VAT1L: variants seen among roughly 807,000 people sequenced by gnomAD.
VAT1L encodes the protein vesicle amine transport 1 like.
VAT1L carries 34 observed loss-of-function variants against 44.1 expected under a neutral mutation model. The observed-to-expected ratio is 0.77, with a 90% confidence interval of 0.59 to 1.03. The LOEUF (loss-of-function observed/expected upper bound fraction) is 1.03. Among genes scored for constraint, VAT1L ranks in the 50% least tolerant of loss-of-function variants. The pLI is 0.00. For missense variants in VAT1L, 615 were observed against 538.8 expected (o/e 1.14, Z -1.40); for synonymous variants, 253 against 202.2 (o/e 1.25, Z -2.13).
intron 4 of VAT1L, among the ~76,000 whole-genome samples, chr16:77,871,524 A>G (rs927887100): frequency 2.0e-5 from 3 of 151,780 alleles, no homozygotes; most frequent in Non-Finnish European, 2.9e-5. Context: ...ACCCTATGAA[A>G]CCCTAATTCA....
intron 3 of VAT1L, among the ~76,000 whole-genome samples, chr16:77,843,272 G>A (rs1416374111): frequency 6.6e-6 from 1 of 152,100 alleles, no homozygotes; most frequent in Non-Finnish European, 1.5e-5. Flanking sequence ...TGGCCTCCGA[G>A]AAGCCAGCTG....
chr16:77,955,230 C>G (rs2018089443), intron 7 of VAT1L, among the ~76,000 whole-genome samples: 5 of 152,192 alleles, frequency 3.3e-5, no homozygotes, highest in Admixed American at 3.3e-4. Context: ...TGATTCTCAA[C>G]TGGAGGTGCT....
chr16:77,838,780 T>C (rs548479540), intron 3 of VAT1L, among the ~76,000 whole-genome samples: 1 of 151,820 alleles, frequency 6.6e-6, no homozygotes, highest in African/African-American at 2.4e-5. Context: ...TTCCTTCCTT[T>C]CTTCTTTTTC....
chr16:77,824,354 CAT>C (rs1467549504), intron 2 of VAT1L, among the ~76,000 whole-genome samples: 1 of 152,176 alleles, frequency 6.6e-6, no homozygotes, highest in Non-Finnish European at 1.5e-5. Flanking sequence ...GGACAAGAAA[CAT>C]AGAGCTGTCA....
chr16:77,788,770 G>C lies in VAT1L; in HGVS notation c.88G>C (p.Gly30Arg). The C allele has an allele frequency of 1.9e-6, 3 of 1,563,390 alleles. No individual in the cohort carries two copies. Among genetic ancestry groups the C allele is most frequent in the Non-Finnish European group, 2.6e-6 (3 of 1,154,144 alleles). The change falls in exon 1 of 9, where the codon GGC becomes CGC. Residue 30 changes from glycine to arginine, a missense_variant. Gly to Arg is a moderately radical substitution (Grantham distance 125). Coordinates refer to ENST00000302536, the MANE Select transcript of VAT1L (RefSeq NM_020927.3). ...CAAGGAGCCGGCGGAGGGCGGCGGC[G>C]GCGACGGCTCGCACCGCCTCGGGGA... ...AGKEPAEGGG[G>R]DGSHRLGDAQ...
intron 7 of VAT1L, among the ~76,000 whole-genome samples, chr16:77,955,086 C>T (rs1485735748): frequency 6.6e-6 from 1 of 152,168 alleles, no homozygotes; most frequent in Non-Finnish European, 1.5e-5. Flanking sequence ...CTTCCTCGTT[C>T]TTGGGAAAGA....
intron 7 of VAT1L, among the ~76,000 whole-genome samples, chr16:77,947,008 T>C (rs1376625295): frequency 1.3e-5 from 2 of 152,178 alleles, no homozygotes; most frequent in African/African-American, 4.8e-5. Context: ...CTCGTTACCA[T>C]GGCAACACAG....
chr16:77,935,141 A>T (rs2017778122), intron 7 of VAT1L, among the ~76,000 whole-genome samples: 1 of 152,176 alleles, frequency 6.6e-6, no homozygotes, highest in Admixed American at 6.5e-5. Flanking sequence ...AAACCAGCAA[A>T]ATGATTTACA....
At chr16:77,920,562 G>T (rs2017600679) in intron 7 of VAT1L, among the ~76,000 whole-genome samples, 1 of 152,126 alleles carries the variant, frequency 6.6e-6, no homozygotes. Flanking sequence ...GTATATGAAT[G>T]TATATAATAT....
At chr16:77,790,887 G>A (rs890479166) in intron 1 of VAT1L, among the ~76,000 whole-genome samples, 6 of 152,174 alleles carry the variant, frequency 3.9e-5, no homozygotes, top group African/African-American at 1.4e-4. Flanking sequence ...TCAAGATGAA[G>A]GCCAAGAGAT....
At chr16:77,948,242 T>TGCTCATCTCTGCATGC (rs1236481133) in intron 7 of VAT1L, among the ~76,000 whole-genome samples, 2 of 152,230 alleles carry the variant, frequency 1.3e-5, no homozygotes, top group African/African-American at 4.8e-5. Flanking sequence ...AGGCTGCATG[T>TGCTCATCTCTGCATGC]GCTCATCTCT....
intron 7 of VAT1L, among the ~76,000 whole-genome samples, chr16:77,917,333 T>C (rs569107566): frequency 2.0e-5 from 3 of 152,300 alleles, no homozygotes; most frequent in African/African-American, 7.2e-5. Context: ...TGGAAAGGCA[T>C]AGCTGTGCTC....
intron 7 of VAT1L, among the ~76,000 whole-genome samples, chr16:77,905,323 C>T (rs936662299): frequency 2.0e-4 from 31 of 152,218 alleles, no homozygotes; most frequent in African/African-American, 7.5e-4. Flanking sequence ...AAAGAAAAAG[C>T]AGTAGCTGAG....
chr16:77,918,668 C>G (rs1464863629), intron 7 of VAT1L, among the ~76,000 whole-genome samples: 1 of 152,182 alleles, frequency 6.6e-6, no homozygotes, highest in Non-Finnish European at 1.5e-5. Context: ...TCTCAATATC[C>G]AGCTTCATCC....
At chr16:77,968,786 G>A (rs1223819782) in intron 7 of VAT1L, among the ~76,000 whole-genome samples, 2 of 152,018 alleles carry the variant, frequency 1.3e-5, no homozygotes, top group African/African-American at 4.8e-5. Flanking sequence ...TTGTGATAAA[G>A]GATTAATTTT....
rs1483805883 is a variant in VAT1L at position 77,817,007 on chromosome 16, C to T, written c.320C>T (p.Ser107Phe). ...KTPLVPGFEC[S>F]GIVEALGDSV... ...CCCCTGGTGCCAGGATTTGAGTGTT[C>T]TGGGATTGTTGAAGCTCTGGGGGAC... Residue 107 changes from serine to phenylalanine, a missense_variant, in exon 2 of 9, where the codon TCT becomes TTT. Coordinates refer to ENST00000302536, the MANE Select transcript of VAT1L (RefSeq NM_020927.3). 1 of 1,613,854 alleles carries T rather than the reference C, an allele frequency of 6.2e-7. No homozygotes were observed. Among genetic ancestry groups the T allele is most frequent in the Non-Finnish European group, 8.5e-7 (1 of 1,179,942 alleles).
chr16:77,893,797 A>G (rs1271704763), intron 7 of VAT1L, among the ~76,000 whole-genome samples: 1 of 152,174 alleles, frequency 6.6e-6, no homozygotes, highest in Non-Finnish European at 1.5e-5. Context: ...AATTTGATGG[A>G]AATTTGAACC....
In VAT1L at chr16:77,788,918, C is replaced by T; in HGVS notation, c.233+3C>T. The T allele has an allele frequency of 6.7e-7, 1 of 1,491,732 alleles. No individual in the cohort carries two copies. The highest frequency in any genetic ancestry group is 8.9e-7 in the Non-Finnish European group (1 of 1,122,532). The allele number at this position is 1,491,732 out of a possible 1,614,324, so 92.4% of individuals were successfully genotyped here. A position where few individuals can be genotyped will look rare whatever the true frequency, so the allele number is the denominator to read the frequency against. On this transcript the variant is annotated splice_donor_region_variant and intron_variant, in intron 1 of 8. Transcript: ENST00000302536. Reference sequence around the variant, plus strand: ...CTCAAGATCCGCGTCAAAGCCTGGTCCAGTATCCGCGCCTTTCTCGCTTTC... The same window carrying T: ...CTCAAGATCCGCGTCAAAGCCTGGTTCAGTATCCGCGCCTTTCTCGCTTTC...
chr16:77,920,610 A>G (rs1597099172), intron 7 of VAT1L, among the ~76,000 whole-genome samples: 1 of 152,172 alleles, frequency 6.6e-6, no homozygotes, highest in African/African-American at 2.4e-5. Context: ...CTGTATAATG[A>G]CATTTCAGTC....
Sources: gnomAD v4.1 joint callset for allele counts (sites outside exome capture counted in the v4.1 genomes callset) on GRCh38, gnomAD v4.1.1 for gene constraint, MANE v1.5 for transcripts, NCBI Gene and HGNC (gene_info 2026-07-23, HGNC 2026-07-21) for gene names.